The following ZHX2 variants were observed in gnomAD, a reference collection of about 807,000 sequenced individuals.
ZHX2 encodes the protein zinc fingers and homeoboxes protein 2.
Under a neutral mutation model 21.9 loss-of-function variants are expected in ZHX2, and 6 were observed. The ratio of observed to expected loss-of-function variants is 0.27; its 90% CI spans 0.15 to 0.54. The LOEUF (loss-of-function observed/expected upper bound fraction) is 0.54. Ranked by LOEUF, ZHX2 falls within the 20% of genes least tolerant of loss-of-function variation. ZHX2 has a pLI of 0.95. For missense variants in ZHX2, 908 were observed against 1,090.7 expected, an observed-to-expected ratio of 0.83 and a Z score of 2.36; for synonymous variants, 434 against 437.1, an observed-to-expected ratio of 0.99 and a Z score of 0.09.
At chr8:122,931,254 G>C (rs935642582) in intron 2 of ZHX2, among the ~76,000 whole-genome samples, 6 of 152,176 alleles carry the variant, frequency 3.9e-5, no homozygotes, top group Non-Finnish European at 7.3e-5. Flanking sequence ...GGAGCCACGA[G>C]TATTATGCAG....
intron 2 of ZHX2, among the ~76,000 whole-genome samples, chr8:122,910,857 G>A (rs945804381): frequency 6.6e-6 from 1 of 152,042 alleles, no homozygotes; most frequent in African/African-American, 2.4e-5. Context: ...CCTCACTTAC[G>A]AAGCACAAAT....
At chr8:122,880,774 C>CAA (rs35751946) in intron 2 of ZHX2, among the ~76,000 whole-genome samples, 17 of 77,692 alleles carry the variant, frequency 2.2e-4, no homozygotes, top group South Asian at 7.3e-4. Context: ...GACTCCACCT[C>CAA]AAAAAAAAAA....
intron 2 of ZHX2, among the ~76,000 whole-genome samples, chr8:122,902,553 C>G (rs73711239): frequency 0.062 from 9,422 of 152,212 alleles, 842 homozygotes; most frequent in African/African-American, 0.2. Context: ...GGCTATCTTA[C>G]AAAGTCCAGT....
chr8:122,794,074 C>G (rs1817573920), intron 1 of ZHX2, among the ~76,000 whole-genome samples: 1 of 152,226 alleles, frequency 6.6e-6, no homozygotes, highest in Non-Finnish European at 1.5e-5. Flanking sequence ...ATTCTCAGCT[C>G]TCTACCCCAA....
chr8:122,912,253 C>T lies in ZHX2; in HGVS notation c.-219-39039C>T, dbSNP rs550790456. 2.1e-4 allele frequency among the ~76,000 whole-genome samples: 32 copies of T among 152,276 alleles called. No individual in the cohort carries two copies. In the South Asian group the frequency reaches 5.0e-3, roughly 24 times the overall value. ...CAACCCTGAAGGGCAGTGGCAGAAA[C>T]GGCCTGGGAGAGCCTTTTCAATGCC... On this transcript the variant is annotated intron_variant, in intron 2 of 3. Coordinates refer to ENST00000314393, the MANE Select transcript of ZHX2 (RefSeq NM_014943.5).
intron 2 of ZHX2, among the ~76,000 whole-genome samples, chr8:122,895,675 G>A (rs1464390530): frequency 6.6e-6 from 1 of 151,632 alleles, no homozygotes; most frequent in Non-Finnish European, 1.5e-5. Flanking sequence ...AGGACAACAA[G>A]GTAGATGTCA....
intron 2 of ZHX2, among the ~76,000 whole-genome samples, chr8:122,937,933 G>GTTTTTTTTTTTTGTTTTT (rs1812744736): frequency 1.4e-5 from 1 of 73,350 alleles, no homozygotes; most frequent in Non-Finnish European, 2.3e-5. Context: ...TTTCTTTTTG[G>GTTTTTTTTTTTTGTTTTT]TTTTTTTTTT....
intron 1 of ZHX2, among the ~76,000 whole-genome samples, chr8:122,786,995 T>A (rs1357614255): frequency 1.4e-4 from 19 of 137,806 alleles, no homozygotes; most frequent in African/African-American, 3.7e-4. Context: ...CCACCCTACA[T>A]TGAGCAGGTT....
intron 1 of ZHX2, among the ~76,000 whole-genome samples, chr8:122,840,537 C>G (rs996415716): frequency 2.0e-5 from 3 of 152,156 alleles, no homozygotes; most frequent in Admixed American, 6.5e-5. Flanking sequence ...AAGTGCTTTA[C>G]GTTAAAAGTG....
At chr8:122,950,167 A>T (rs1173802632) in intron 2 of ZHX2, among the ~76,000 whole-genome samples, 1 of 152,176 alleles carries the variant, frequency 6.6e-6, no homozygotes, top group African/African-American at 2.4e-5. Context: ...AAAAATAAGG[A>T]TTAAGGGTAT....
intron 2 of ZHX2, among the ~76,000 whole-genome samples, chr8:122,901,319 G>A (rs1820224825): frequency 6.6e-6 from 1 of 152,262 alleles, no homozygotes; most frequent in African/African-American, 2.4e-5. Context: ...TGTGCATCTG[G>A]ATCACCTGGG....
At chr8:122,926,251 C>T (rs1000827705) in intron 2 of ZHX2, among the ~76,000 whole-genome samples, 3 of 152,166 alleles carry the variant, frequency 2.0e-5, no homozygotes, top group Non-Finnish European at 1.5e-5. Flanking sequence ...TATTTAAAAG[C>T]TCCTCTGTTG....
At chr8:122,789,872 T>C (rs1158108939) in intron 1 of ZHX2, among the ~76,000 whole-genome samples, 6 of 152,190 alleles carry the variant, frequency 3.9e-5, no homozygotes, top group African/African-American at 7.2e-5. Flanking sequence ...TGATTCTGAG[T>C]ATGTGGTGAA....
At chr8:122,796,737 A>G (rs1179139125) in intron 1 of ZHX2, among the ~76,000 whole-genome samples, 1 of 152,204 alleles carries the variant, frequency 6.6e-6, no homozygotes, top group Non-Finnish European at 1.5e-5. Flanking sequence ...TTCTTTCTCA[A>G]GGTGGTGGCT....
chr8:122,894,354 G>T (rs995210910), intron 2 of ZHX2, among the ~76,000 whole-genome samples: 1 of 152,188 alleles, frequency 6.6e-6, no homozygotes, highest in Non-Finnish European at 1.5e-5. Context: ...AGATCCAGCT[G>T]CCCTGCCTGA....
intron 1 of ZHX2, among the ~76,000 whole-genome samples, chr8:122,863,207 G>T (rs555314452): frequency 2.6e-5 from 4 of 151,108 alleles, no homozygotes; most frequent in African/African-American, 9.7e-5. Context: ...CTTTCATTTC[G>T]CTCTTCTAGA....
At chr8:122,971,204 G>A (rs1172444020) in intron 3 of ZHX2, among the ~76,000 whole-genome samples, 6 of 152,104 alleles carry the variant, frequency 3.9e-5, no homozygotes, top group African/African-American at 1.4e-4. Flanking sequence ...CACTGTTGGA[G>A]GGAGAGTCAT....
At chr8:122,931,308 C>A (rs1393803875) in intron 2 of ZHX2, among the ~76,000 whole-genome samples, 1 of 152,114 alleles carries the variant, frequency 6.6e-6, no homozygotes, top group Non-Finnish European at 1.5e-5. Context: ...AGAGTTTGTG[C>A]GGTAGGCCTC....
rs572100433 is a variant in ZHX2 at position 122,888,568 on chromosome 8, G to A, written c.-220+25029G>A. Reference sequence around the variant, plus strand: ...GCGATCTTGGCTCACTGCAACCTCCGCCTCCCGGGTTCAAAACGATTCTCC... The same window carrying A: ...GCGATCTTGGCTCACTGCAACCTCCACCTCCCGGGTTCAAAACGATTCTCC... On this transcript the variant is annotated intron_variant, in intron 2 of 3. Coordinates refer to ENST00000314393, the MANE Select transcript of ZHX2 (RefSeq NM_014943.5). 2.6e-3 allele frequency among the ~76,000 whole-genome samples: 398 copies of A among 152,178 alleles called. 3 individuals carry two copies. The highest frequency in any genetic ancestry group is 2.5e-3 in the Non-Finnish European group (170 of 68,012).
Sources: gnomAD v4.1 joint callset for allele counts (sites outside exome capture counted in the v4.1 genomes callset) on GRCh38, gnomAD v4.1.1 for gene constraint, MANE v1.5 for transcripts, NCBI Gene and HGNC (gene_info 2026-07-23, HGNC 2026-07-21) for gene names.